CACNA2D1: variants seen among roughly 807,000 people sequenced by gnomAD.
CACNA2D1 encodes the protein voltage-dependent calcium channel subunit alpha-2/delta-1.
In CACNA2D1, 53 loss-of-function variants were observed where a neutral mutation model predicts 171.5. That is an observed-to-expected ratio of 0.31 (90% CI 0.25 to 0.39). CACNA2D1 has a LOEUF of 0.39. CACNA2D1 is among the 10% of genes least tolerant of loss of function. The probability of loss-of-function intolerance (pLI) is 1.00; values close to 1 mark genes in which losing one functional copy is unlikely to be tolerated. For synonymous variants in CACNA2D1, 442 were observed against 443.1 expected (o/e 1.00, Z 0.03); for missense variants, 903 against 1,299.8 (o/e 0.69, Z 4.69).
intron 6 of CACNA2D1, among the ~76,000 whole-genome samples, chr7:82,091,783 C>G (rs1811203975): frequency 1.3e-5 from 2 of 152,038 alleles, no homozygotes; most frequent in African/African-American, 4.8e-5. Flanking sequence ...GTATCAAAAC[C>G]AAATAAATTA....
chr7:82,087,117 T>C (rs1378380129), intron 6 of CACNA2D1, among the ~76,000 whole-genome samples: 1 of 152,168 alleles, frequency 6.6e-6, no homozygotes, highest in Non-Finnish European at 1.5e-5. Flanking sequence ...AATGAAAGTA[T>C]TGGCATTGCA....
intron 3 of CACNA2D1, among the ~76,000 whole-genome samples, chr7:82,326,070 G>T (rs1405112248): frequency 1.3e-5 from 2 of 152,140 alleles, no homozygotes; most frequent in African/African-American, 2.4e-5. Flanking sequence ...TTCCCATCTT[G>T]CACCCTAAGC....
chr7:82,066,312 A>G (rs1807591764), intron 8 of CACNA2D1, 143 bp downstream of exon 8: 5 of 1,100,270 alleles, frequency 4.5e-6, no homozygotes, highest in African/African-American at 1.6e-5. Context: ...ATTTACCTTT[A>G]CCTATATTTA....
chr7:82,330,905 T>A (rs1817228426), intron 3 of CACNA2D1, among the ~76,000 whole-genome samples: 1 of 152,134 alleles, frequency 6.6e-6, no homozygotes, highest in South Asian at 2.1e-4. Flanking sequence ...CACATTCAAA[T>A]TTCACATTCT....
intron 23 of CACNA2D1, 73 bp from the exon 24 acceptor site, chr7:81,982,700 G>A (rs777763188): frequency 2.1e-6 from 2 of 943,474 alleles, no homozygotes; most frequent in Non-Finnish European, 1.8e-6. Context: ...ACAATAAGAA[G>A]GCATGAGAAA....
Position 82,088,673 on chromosome 7 carries a change from C to T in CACNA2D1, c.527-3773G>A, listed in dbSNP as rs115127387. ...CGAAAAAACTTAAAATATTTTTGAC[C>T]GTAAAAATCCTTTGATTTGGCAAGA... On this transcript the variant is annotated intron_variant, in intron 6 of 38. Transcript: ENST00000356860. Among the ~76,000 whole-genome samples, 758 of 151,248 alleles carry T rather than the reference C, an allele frequency of 5.0e-3. 4 individuals are homozygous for T. The highest frequency in any genetic ancestry group is 0.017 in the African/African-American group (708 of 41,232).
At chr7:82,164,522 G>T (rs1182697554) in intron 4 of CACNA2D1, among the ~76,000 whole-genome samples, 1 of 151,994 alleles carries the variant, frequency 6.6e-6, no homozygotes, top group Non-Finnish European at 1.5e-5. Context: ...TGAAAGTGAA[G>T]AAAAGAATAC....
In CACNA2D1 at chr7:82,085,044, C is replaced by T. The variant is rs114556011; in HGVS notation, c.527-144G>A. Reference sequence around the variant, plus strand: ...AATCCAGTAGTTATCAACAAGTTTTCGACACTTTAGAGGACAGTTTGACTG... The same window carrying T: ...AATCCAGTAGTTATCAACAAGTTTTTGACACTTTAGAGGACAGTTTGACTG... On this transcript the variant is annotated intron_variant, in intron 6 of 38. Coordinates refer to ENST00000356860, the MANE Select transcript of CACNA2D1 (RefSeq NM_000722.4). 1,550 of 744,772 alleles carry T rather than the reference C, an allele frequency of 2.1e-3. 23 individuals carry two copies. In the African/African-American group the frequency reaches 0.024, roughly 11 times the overall value. The allele number at this position is 744,772 out of a possible 1,614,324, so 46.1% of individuals were successfully genotyped here. A position where few individuals can be genotyped will look rare whatever the true frequency, so the allele number is the denominator to read the frequency against.
At chr7:82,087,861 G>A (rs1369014550) in intron 6 of CACNA2D1, among the ~76,000 whole-genome samples, 1 of 152,148 alleles carries the variant, frequency 6.6e-6, no homozygotes, top group Non-Finnish European at 1.5e-5. Flanking sequence ...ATCTGTAGAT[G>A]ATAGATAATA....
intron 1 of CACNA2D1, among the ~76,000 whole-genome samples, chr7:82,361,760 T>C (rs1439261854): frequency 6.6e-6 from 1 of 152,174 alleles, no homozygotes; most frequent in Non-Finnish European, 1.5e-5. Flanking sequence ...GAAGGCTTTT[T>C]TAAACATTTT....
chr7:82,166,285 T>C (rs1217116583), intron 4 of CACNA2D1, among the ~76,000 whole-genome samples: 2 of 152,018 alleles, frequency 1.3e-5, no homozygotes, highest in African/African-American at 4.8e-5. Context: ...ACAACTTCAC[T>C]AGAAACATTT....
At chr7:81,966,008 G>C (rs890647671) in intron 31 of CACNA2D1, among the ~76,000 whole-genome samples, 1 of 151,442 alleles carries the variant, frequency 6.6e-6, no homozygotes, top group African/African-American at 2.4e-5. Context: ...ATGAGTAACT[G>C]ATTTAAACAC....
At chr7:82,184,326 TATAA>T (rs1365655902) in intron 3 of CACNA2D1, among the ~76,000 whole-genome samples, 1 of 152,064 alleles carries the variant, frequency 6.6e-6, no homozygotes. Flanking sequence ...ATTTGTAAAA[TATAA>T]ATTTACTTGG....
Position 81,997,721 on chromosome 7 carries a change from G to C in CACNA2D1, c.1591-471C>G, listed in dbSNP as rs145877066. On this transcript the variant is annotated intron_variant, in intron 18 of 38. Coordinates refer to ENST00000356860, the MANE Select transcript of CACNA2D1 (RefSeq NM_000722.4). ...TTAAAATTATGTCTACACTTGCCAA[G>C]TAAAACATTCTATTGGACCTGTTCT... is the stretch of plus-strand genomic sequence containing the variant. 5.8e-3 allele frequency among the ~76,000 whole-genome samples: 882 copies of C among 150,790 alleles called. 5 individuals carry two copies. Among genetic ancestry groups the C allele is most frequent in the African/African-American group, 0.018 (725 of 41,230 alleles).
intron 35 of CACNA2D1, among the ~76,000 whole-genome samples, 182 bp from the exon 36 acceptor site, chr7:81,962,205 CA>C (rs1794218208): frequency 6.6e-6 from 1 of 151,788 alleles, no homozygotes; most frequent in Non-Finnish European, 1.5e-5. Context: ...TGATAAATAT[CA>C]AGAGAATAAA....
At chr7:81,978,677 C>T (rs959894503) in intron 24 of CACNA2D1, among the ~76,000 whole-genome samples, 11 of 151,218 alleles carry the variant, frequency 7.3e-5, no homozygotes, top group African/African-American at 2.4e-4. Flanking sequence ...CACTACAGTA[C>T]ATGTATAACT....
chr7:82,145,276 TAAAATAA>T (rs1202166024), intron 4 of CACNA2D1, among the ~76,000 whole-genome samples: 1 of 144,496 alleles, frequency 6.9e-6, no homozygotes, highest in Non-Finnish European at 1.5e-5. Context: ...ATATATAAAA[TAAAATAA>T]AAAATAAAAA....
chr7:82,242,576 C>T (rs1420048868), intron 3 of CACNA2D1, among the ~76,000 whole-genome samples: 1 of 152,164 alleles, frequency 6.6e-6, no homozygotes, highest in Admixed American at 6.5e-5. Flanking sequence ...TTTTCTTGCT[C>T]ATATGCTAAC....
At chr7:82,417,203 G>A (rs1322328816) in intron 1 of CACNA2D1, among the ~76,000 whole-genome samples, 1 of 152,112 alleles carries the variant, frequency 6.6e-6, no homozygotes, top group African/African-American at 2.4e-5. Flanking sequence ...TCAGCATAGG[G>A]CCACCACAAA....
Sources: gnomAD v4.1 joint callset for allele counts (sites outside exome capture counted in the v4.1 genomes callset) on GRCh38, gnomAD v4.1.1 for gene constraint, MANE v1.5 for transcripts, NCBI Gene and HGNC (gene_info 2026-07-23, HGNC 2026-07-21) for gene names.